Variants in KIFAP3 observed in about 807,000 individuals in gnomAD.
KIFAP3 encodes kinesin-associated protein 3.
KIFAP3 carries 68 observed loss-of-function variants against 106.5 expected under a neutral mutation model. The observed-to-expected ratio is 0.64, with a 90% CI of 0.53 to 0.78. The LOEUF (loss-of-function observed/expected upper bound fraction) is 0.78. Ranked by LOEUF, KIFAP3 falls within the 30% of genes least tolerant of loss-of-function variation. The probability of loss-of-function intolerance (pLI) is 0.00; values close to 1 mark genes in which losing one functional copy is unlikely to be tolerated. For missense variants in KIFAP3, 780 were observed against 941.8 expected, an observed-to-expected ratio of 0.83 and a Z score of 2.25; for synonymous variants, 320 against 311.5, an observed-to-expected ratio of 1.03 and a Z score of -0.29.
chr1:170,039,280 CTTTT>C lies in KIFAP3; in HGVS notation c.324_327del (p.Glu110AsnfsTer45). ...GGATCTTTAGGCTTGCTTGATTTTT[CTTTT>C]TTCTCTGTAAAAAGATTTTTTTTTA... On this transcript the variant is annotated frameshift_variant, in exon 4 of 20. Transcript: ENST00000361580. LOFTEE classifies it high-confidence loss of function. 6.3e-7 allele frequency: 1 copy of C among 1,593,774 alleles called. No individual in the cohort carries two copies. The highest frequency in any genetic ancestry group is 1.1e-5 in the South Asian group (1 of 88,508).
intron 1 of KIFAP3, among the ~76,000 whole-genome samples, chr1:170,082,281 A>G (rs1037470566): frequency 1.3e-5 from 2 of 152,252 alleles, no homozygotes; most frequent in Non-Finnish European, 2.9e-5. Flanking sequence ...TGATATATGC[A>G]ACATAAATAA....
chr1:169,953,740 T>G (rs1664855355), intron 19 of KIFAP3, among the ~76,000 whole-genome samples: 1 of 152,210 alleles, frequency 6.6e-6, no homozygotes, highest in African/African-American at 2.4e-5. Context: ...GGTCTCGATC[T>G]CCTGACCTCG....
At chr1:170,036,785 TAAAAC>T (rs944483600) in intron 5 of KIFAP3, among the ~76,000 whole-genome samples, 12 of 152,108 alleles carry the variant, frequency 7.9e-5, no homozygotes, top group African/African-American at 2.2e-4. Flanking sequence ...TTTTTCTCCT[TAAAAC>T]AGAATAGAGA....
chr1:170,040,249 G>A (rs964370883), intron 3 of KIFAP3, among the ~76,000 whole-genome samples: 2 of 151,952 alleles, frequency 1.3e-5, no homozygotes, highest in Admixed American at 1.3e-4. Context: ...TTTAAGATAA[G>A]GTTTCTGGCT....
intron 1 of KIFAP3, among the ~76,000 whole-genome samples, chr1:170,064,830 A>G (rs1216756936): frequency 2.6e-5 from 4 of 152,256 alleles, no homozygotes; most frequent in African/African-American, 9.6e-5. Context: ...TTAAATACAT[A>G]AAACCATACT....
chr1:170,037,814 T>C lies in KIFAP3; in HGVS notation c.517+476A>G, dbSNP rs922598048. On this transcript the variant is annotated intron_variant, in intron 5 of 19. Coordinates refer to ENST00000361580, the MANE Select transcript of KIFAP3 (RefSeq NM_014970.4). ...AAACAAAAATGATTCTATAGTGGTG[T>C]TATTGAGAAAAGGGTGTTAAAAACA... Among the ~76,000 whole-genome samples, 11 of 152,174 alleles carry C rather than the reference T, an allele frequency of 7.2e-5. No individual in the cohort carries two copies. In the Middle Eastern group the frequency reaches 0.014, roughly 188 times the overall value.
At chr1:169,994,778 TAGAG>T (rs1487368450) in intron 10 of KIFAP3, among the ~76,000 whole-genome samples, 1 of 151,988 alleles carries the variant, frequency 6.6e-6, no homozygotes, top group Non-Finnish European at 1.5e-5. Context: ...ATTTACAGAA[TAGAG>T]AGTCAAATCA....
In KIFAP3 at chr1:170,074,507, G is replaced by C. The variant is rs779868392; in HGVS notation, c.-40C>G. On this transcript the variant is annotated 5_prime_UTR_variant, in exon 1 of 20. Coordinates refer to ENST00000361580, the MANE Select transcript of KIFAP3 (RefSeq NM_014970.4). Reference sequence around the variant, plus strand: ...CGGCGTGGAGAGGATGGGGTATCTTGAGAGGCAGGCGCGGTTATTTCCGGG... The same window carrying C: ...CGGCGTGGAGAGGATGGGGTATCTTCAGAGGCAGGCGCGGTTATTTCCGGG... 205 of 1,613,402 alleles carry C rather than the reference G, an allele frequency of 1.3e-4. No individual in the cohort carries two copies. The highest frequency in any genetic ancestry group is 7.3e-4 in the Admixed American group (44 of 59,954).
intron 5 of KIFAP3, among the ~76,000 whole-genome samples, chr1:170,036,074 A>G (rs1002202202): frequency 6.6e-6 from 1 of 152,100 alleles, no homozygotes; most frequent in East Asian, 1.9e-4. Context: ...TATCACACTG[A>G]ATTTATGCTA....
At chr1:169,956,441 T>C (rs548724573) in intron 18 of KIFAP3, among the ~76,000 whole-genome samples, 87 of 152,114 alleles carry the variant, frequency 5.7e-4, no homozygotes, top group Middle Eastern at 3.4e-3. Flanking sequence ...AAAGGATAAA[T>C]AGAAATACAG....
intron 10 of KIFAP3, among the ~76,000 whole-genome samples, chr1:170,014,042 G>C (rs1033509554): frequency 6.6e-6 from 1 of 151,964 alleles, no homozygotes; most frequent in African/African-American, 2.4e-5. Flanking sequence ...TATCCCTTCT[G>C]CCCTTTCCTT....
intron 19 of KIFAP3, among the ~76,000 whole-genome samples, chr1:169,927,647 G>A (rs1663216323): frequency 6.6e-6 from 1 of 152,098 alleles, no homozygotes; most frequent in African/African-American, 2.4e-5. Context: ...AAAATTACAT[G>A]AATTCATGAA....
chr1:169,944,167 C>T (rs1664295378), intron 19 of KIFAP3, among the ~76,000 whole-genome samples: 1 of 85,278 alleles, frequency 1.2e-5, no homozygotes, highest in Admixed American at 1.4e-4. Context: ...CAAGGGTTAG[C>T]CAGGTGTGGA....
Position 170,000,273 on chromosome 1 carries a change from T to C in KIFAP3, c.1184-8018A>G, listed in dbSNP as rs547381863. 2.0e-5 allele frequency among the ~76,000 whole-genome samples: 3 copies of C among 152,282 alleles called. No homozygotes were observed. In the East Asian group the frequency reaches 5.8e-4, roughly 29 times the overall value. On this transcript the variant is annotated intron_variant, in intron 10 of 19. Transcript: ENST00000361580. ...ATTATTAGCCAGATTCTCATTCCCT[T>C]CTATACTCTATGTCTTCTTCTTTCA...
chr1:169,978,320 A>G (rs1232633980), intron 15 of KIFAP3, 137 bp from the exon 16 acceptor site: 1 of 569,510 alleles, frequency 1.8e-6, no homozygotes, highest in South Asian at 2.4e-5. Flanking sequence ...TTTAACTTCT[A>G]TGTTCCTAAT....
intron 3 of KIFAP3, among the ~76,000 whole-genome samples, chr1:170,042,210 C>T (rs1160671531): frequency 6.6e-6 from 1 of 152,166 alleles, no homozygotes; most frequent in Admixed American, 6.5e-5. Flanking sequence ...CAAGCAGCCC[C>T]TTGGATTGTA....
chr1:170,048,568 C>T (rs72715939), intron 2 of KIFAP3, among the ~76,000 whole-genome samples: 3,670 of 151,888 alleles, frequency 0.024, 65 homozygotes, highest in Non-Finnish European at 0.034. Context: ...ACAGAAACAG[C>T]CTCAGTCTGC....
chr1:169,982,211 T>C (rs1666559369), intron 14 of KIFAP3, 114 bp from the exon 15 acceptor site: 1 of 1,099,644 alleles, frequency 9.1e-7, no homozygotes, highest in African/African-American at 1.6e-5. Flanking sequence ...AATCAAGTCA[T>C]ATGAATCCTT....
chr1:170,072,161 C>T (rs1025216790), intron 1 of KIFAP3, among the ~76,000 whole-genome samples: 1 of 152,120 alleles, frequency 6.6e-6, no homozygotes, highest in African/African-American at 2.4e-5. Flanking sequence ...TTCACCAATG[C>T]ACTCAAAATA....
Sources: allele counts gnomAD v4.1 joint callset (sites outside exome capture counted in the v4.1 genomes callset), GRCh38; gene constraint gnomAD v4.1.1; transcripts MANE v1.5; gene names NCBI Gene and HGNC (gene_info 2026-07-23, HGNC 2026-07-21).